Variants in TRPM6 observed in about 807,000 individuals in gnomAD.
TRPM6 encodes the protein channel kinase 2.
In TRPM6, 111 loss-of-function variants were observed where a neutral mutation model predicts 247.6. The ratio of observed to expected loss-of-function variants is 0.45; its 90% CI spans 0.38 to 0.52. The LOEUF (loss-of-function observed/expected upper bound fraction) is 0.52. TRPM6 is among the 20% of genes least tolerant of loss of function. The pLI is 0.00. For missense variants in TRPM6, 2,126 were observed against 2,421.5 expected, an observed-to-expected ratio of 0.88 and a Z score of 2.56; for synonymous variants, 892 against 853.8, an observed-to-expected ratio of 1.04 and a Z score of -0.78.
In TRPM6 at chr9:74,808,181, C is replaced by T. The variant is rs577595444; in HGVS notation, c.1498-7G>A. ...AGCCTGAAAGAAGGGTATGCTGCAA[C>T]AAAAACATGCAACGACTTTTAACTT... On this transcript the variant is annotated splice_region_variant and splice_polypyrimidine_tract_variant and intron_variant, in intron 13 of 38. Coordinates refer to ENST00000360774, the MANE Select transcript of TRPM6 (RefSeq NM_017662.5). The T allele has an allele frequency of 6.8e-6, 11 of 1,613,786 alleles. No individual in the cohort carries two copies. The South Asian group carries it at 7.7e-5, about 11-fold the overall frequency.
chr9:74,818,155 T>C (rs1031143516), intron 9 of TRPM6, among the ~76,000 whole-genome samples: 1 of 152,098 alleles, frequency 6.6e-6, no homozygotes, highest in Non-Finnish European at 1.5e-5. Flanking sequence ...TTCTGCTTGA[T>C]GGCAAGAAGA....
chr9:74,744,011 A>G (rs1825950574), intron 32 of TRPM6, 84 bp downstream of exon 32: 1 of 1,344,608 alleles, frequency 7.4e-7, no homozygotes, highest in Non-Finnish European at 1.1e-6. Context: ...TCAGTAACAC[A>G]GAATTTGTCA....
chr9:74,803,664 G>C (rs1828424096), intron 15 of TRPM6, 130 bp downstream of exon 15: 2 of 771,506 alleles, frequency 2.6e-6, no homozygotes, highest in Admixed American at 3.5e-5. Context: ...CTTTTGACTT[G>C]CACCATCTGT....
intron 3 of TRPM6, among the ~76,000 whole-genome samples, chr9:74,854,392 A>G (rs1830459384): frequency 6.6e-6 from 1 of 152,108 alleles, no homozygotes; most frequent in South Asian, 2.1e-4. Context: ...TTATATTCTT[A>G]TTTTGCTTTG....
At position 74,840,036 on chromosome 9, in the gene TRPM6, C is replaced by A; in HGVS notation, c.532G>T (p.Gly178Cys). 1 of 1,613,620 alleles carries A rather than the reference C, an allele frequency of 6.2e-7. No homozygotes were observed. Among genetic ancestry groups the A allele is most frequent in the East Asian group, 2.2e-5 (1 of 44,856 alleles). The change falls in exon 5 of 39, where the codon GGC (glycine) becomes TGC (cysteine). Residue 178 changes from glycine (G) to cysteine (C), a missense_variant. Physicochemically the swap from Gly to Cys is radical, Grantham distance 159 (BLOSUM62 -3). Coordinates refer to ENST00000360774, the MANE Select transcript of TRPM6 (RefSeq NM_017662.5). The part of the protein sequence containing the change: ...ETTGAWIITE[G>C]INTGVSKHVG... ...GAGGGAGCTTTACCTGTATTGATGC[C>A]TTCAGTTATTATCCACGCTCCTGTT...
chr9:74,785,834 T>C (rs765634378), intron 21 of TRPM6, 40 bp downstream of exon 21: 2 of 1,613,094 alleles, frequency 1.2e-6, no homozygotes, highest in South Asian at 2.2e-5. Context: ...AAAATAATTT[T>C]AAAAAAGAAT....
At chr9:74,828,398 T>C (rs1366068938) in intron 6 of TRPM6, among the ~76,000 whole-genome samples, 2 of 152,132 alleles carry the variant, frequency 1.3e-5, no homozygotes, top group Admixed American at 1.3e-4. Context: ...GCAGTGCTTC[T>C]CAAACTATCT....
intron 19 of TRPM6, 79 bp downstream of exon 19, chr9:74,792,545 C>G: frequency 6.8e-7 from 1 of 1,477,114 alleles, no homozygotes; most frequent in Non-Finnish European, 9.5e-7. Context: ...TGCAAAGTGG[C>G]AAATCAGGCA....
intron 8 of TRPM6, 134 bp from the exon 9 acceptor site, chr9:74,820,561 A>AG (rs964989206): frequency 2.7e-6 from 3 of 1,097,566 alleles, no homozygotes; most frequent in Non-Finnish European, 4.0e-6. Flanking sequence ...AGAGCAAATG[A>AG]GGGGGAGCAA....
At chr9:74,887,183 G>A (rs1261188604) in intron 1 of TRPM6, 2 of 1,193,716 alleles carry the variant, frequency 1.7e-6, no homozygotes, top group East Asian at 6.0e-5. Context: ...AAGTCCGGGC[G>A]GCGCCGCGTT....
intron 3 of TRPM6, among the ~76,000 whole-genome samples, chr9:74,848,461 C>T (rs1232831347): frequency 1.3e-5 from 2 of 152,148 alleles, no homozygotes; most frequent in Non-Finnish European, 2.9e-5. Context: ...TTTATCATGC[C>T]ACTCTGAATG....
intron 5 of TRPM6, 94 bp from the exon 6 acceptor site, chr9:74,834,216 T>C (rs1829641415): frequency 1.4e-6 from 2 of 1,467,348 alleles, no homozygotes; most frequent in Non-Finnish European, 1.9e-6. Context: ...GGCAAGCATA[T>C]GCAAGGGCTA....
intron 7 of TRPM6, among the ~76,000 whole-genome samples, chr9:74,825,057 C>A (rs577003800): frequency 1.3e-5 from 2 of 152,134 alleles, no homozygotes; most frequent in African/African-American, 2.4e-5. Context: ...GTCAGGAGTT[C>A]GAGACCAGCC....
In TRPM6 at chr9:74,763,150, G is replaced by A; in HGVS notation, c.3537-16C>T. On this transcript the variant is annotated splice_polypyrimidine_tract_variant and intron_variant, in intron 25 of 38. Coordinates refer to ENST00000360774, the MANE Select transcript of TRPM6 (RefSeq NM_017662.5). The stretch of plus-strand genomic sequence containing the variant: ...CTCTGTAACCCTAGTGGTGAAGGAA[G>A]GGAGAAAACCAACAAGCACATTAAG... The A allele has an allele frequency of 1.9e-6, 3 of 1,604,660 alleles. No homozygotes were observed. The highest frequency in any genetic ancestry group is 2.5e-6 in the Non-Finnish European group (3 of 1,179,644).
At chr9:74,795,119 G>A (rs113965691) in intron 18 of TRPM6, among the ~76,000 whole-genome samples, 39 of 152,070 alleles carry the variant, frequency 2.6e-4, no homozygotes, top group African/African-American at 9.4e-4. Flanking sequence ...TTATCCTTGT[G>A]TCCCTTCAAG....
rs200093645 is a variant in TRPM6, at chr9:74,812,258, G to A, written c.1443+41C>T. The A allele has an allele frequency of 3.0e-5, 48 of 1,611,546 alleles. No homozygotes were observed. The East Asian group carries it at 1.0e-3, about 34-fold the overall frequency. On this transcript the variant is annotated intron_variant, in intron 12 of 38. Transcript: ENST00000360774. ...CTGCTTGATGATCCTTGCTCTTCTT[G>A]AATCTGGAGGGAAATGATTGATGAA...
At chr9:74,884,243 C>A (rs144552829) in intron 1 of TRPM6, among the ~76,000 whole-genome samples, 3,638 of 152,284 alleles carry the variant, frequency 0.024, 136 homozygotes, top group African/African-American at 0.08. Flanking sequence ...ATAATCCCAG[C>A]ACTCTGGGAG....
chr9:74,738,770 T>C (rs1825771005), intron 35 of TRPM6, among the ~76,000 whole-genome samples, 158 bp from the exon 36 acceptor site: 1 of 152,058 alleles, frequency 6.6e-6, no homozygotes. Flanking sequence ...AGGATGCAAA[T>C]ATTGGGAATT....
At chr9:74,774,530 C>T (rs1364917104) in intron 24 of TRPM6, among the ~76,000 whole-genome samples, 1 of 152,128 alleles carries the variant, frequency 6.6e-6, no homozygotes, top group African/African-American at 2.4e-5. Flanking sequence ...AAATACTTCA[C>T]AGAGTCACCT....
Sources: gnomAD v4.1 joint callset for allele counts (sites outside exome capture counted in the v4.1 genomes callset) on GRCh38, gnomAD v4.1.1 for gene constraint, MANE v1.5 for transcripts, NCBI Gene and HGNC (gene_info 2026-07-23, HGNC 2026-07-21) for gene names.